The following SCFD1 variants were observed in gnomAD, a reference collection of about 807,000 sequenced individuals.
SCFD1 encodes the protein sec1 family domain-containing protein 1.
In SCFD1, 37 loss-of-function variants were observed where a neutral mutation model predicts 103.2. That is an observed-to-expected ratio of 0.36 (90% CI 0.28 to 0.47). The LOEUF is 0.47. SCFD1 is among the 20% of genes least tolerant of loss of function. SCFD1 has a pLI of 1.00. For synonymous variants in SCFD1, 264 were observed against 245.0 expected, an observed-to-expected ratio of 1.08 and a Z score of -0.73; for missense variants, 639 against 761.2, an observed-to-expected ratio of 0.84 and a Z score of 1.89.
chr14:30,683,700 A>G (rs1889684027), intron 14 of SCFD1: 1 of 177,014 alleles, frequency 5.6e-6, no homozygotes, highest in South Asian at 1.2e-4. Flanking sequence ...TTTCTGTCTC[A>G]CAAACCCTAT....
chr14:30,722,417 A>AT, intron 22 of SCFD1, 77 bp from the exon 23 acceptor site: 1 of 1,082,682 alleles, frequency 9.2e-7, no homozygotes, highest in Non-Finnish European at 1.4e-6. Context: ...TTTGGCTAGC[A>AT]TTTTTTAACC....
chr14:30,701,924 A>G (rs1891109129), intron 16 of SCFD1, among the ~76,000 whole-genome samples: 1 of 152,214 alleles, frequency 6.6e-6, no homozygotes, highest in South Asian at 2.1e-4. Flanking sequence ...AGTTGGTGTC[A>G]TTCCTCTTGT....
intron 9 of SCFD1, among the ~76,000 whole-genome samples, chr14:30,651,418 G>A (rs1310114488): frequency 6.7e-6 from 1 of 148,600 alleles, no homozygotes; most frequent in Non-Finnish European, 1.5e-5. Context: ...ATAATTGGGA[G>A]TTCACACTAA....
At chr14:30,673,606 G>A (rs549936873) in intron 12 of SCFD1, among the ~76,000 whole-genome samples, 57 of 152,146 alleles carry the variant, frequency 3.7e-4, no homozygotes, top group Non-Finnish European at 6.6e-4. Flanking sequence ...ACCATACTTC[G>A]ATGTAACTTC....
chr14:30,719,461 T>G, intron 21 of SCFD1, 84 bp downstream of exon 21: 1 of 915,394 alleles, frequency 1.1e-6, no homozygotes, highest in Non-Finnish European at 1.7e-6. Flanking sequence ...GTACTGCTTA[T>G]TAAAAATCCA....
Position 30,639,856 on chromosome 14 carries a change from C to T in SCFD1, c.515C>T (p.Ser172Leu). The part of the protein sequence containing the change: ...VLCNQNKELV[S>L]YRAINRPDIT... Reference sequence around the variant, plus strand: ...TGTAATCAAAATAAGGAGCTTGTTTCATATCGTGGTATGTAAAAATAGAAA... The same window carrying T: ...TGTAATCAAAATAAGGAGCTTGTTTTATATCGTGGTATGTAAAAATAGAAA... The change falls in exon 6 of 25, where the codon TCA (serine) becomes TTA (leucine). Residue 172 changes from serine to leucine, a missense_variant. Ser to Leu is a moderately radical substitution (Grantham distance 145). Transcript: ENST00000458591. 1 of 1,579,932 alleles carries T rather than the reference C, an allele frequency of 6.3e-7. No homozygotes were observed. The highest frequency in any genetic ancestry group is 1.8e-5 in the Admixed American group (1 of 54,428).
chr14:30,623,122 T>A (rs1357197172), intron 1 of SCFD1, among the ~76,000 whole-genome samples: 1 of 152,156 alleles, frequency 6.6e-6, no homozygotes, highest in East Asian at 1.9e-4. Flanking sequence ...CTTGAAAACT[T>A]CTCATGACAA....
chr14:30,679,228 A>AT (rs34426823), intron 14 of SCFD1, among the ~76,000 whole-genome samples: 8,762 of 143,284 alleles, frequency 0.061, 415 homozygotes, highest in East Asian at 0.3. Flanking sequence ...TCATGATTGG[A>AT]TTTTTTTTTT....
intron 6 of SCFD1, 142 bp from the exon 7 acceptor site, chr14:30,643,172 GAA>G: frequency 9.1e-6 from 5 of 551,970 alleles, no homozygotes; most frequent in East Asian, 3.4e-5. Flanking sequence ...GATCCTGTCT[GAA>G]AAAAAAAAAT....
chr14:30,652,203 A>T (rs1886458607), intron 9 of SCFD1: 4 of 152,230 alleles, frequency 2.6e-5, no homozygotes, highest in African/African-American at 7.2e-5. Context: ...ATGTAAACAG[A>T]TAGTGATGCC....
chr14:30,676,095 T>C (rs529408714), intron 14 of SCFD1: 1 of 152,354 alleles, frequency 6.6e-6, no homozygotes, highest in African/African-American at 2.4e-5. Context: ...TCTGTTTACC[T>C]GAGGTCATTG....
chr14:30,732,221 A>G (rs1893525831), intron 23 of SCFD1, among the ~76,000 whole-genome samples: 1 of 152,112 alleles, frequency 6.6e-6, no homozygotes, highest in Admixed American at 6.6e-5. Flanking sequence ...ATGGATTTTT[A>G]GAAGTTTCTA....
At chr14:30,730,882 T>A (rs1330570500) in intron 23 of SCFD1, among the ~76,000 whole-genome samples, 1 of 152,166 alleles carries the variant, frequency 6.6e-6, no homozygotes. Flanking sequence ...ATTTTGGCTT[T>A]TGTTGCCATT....
Position 30,707,975 on chromosome 14 carries a change from T to C in SCFD1, c.1554-15T>C. The C allele has an allele frequency of 6.3e-7, 1 of 1,593,224 alleles. No individual in the cohort carries two copies. The highest frequency in any genetic ancestry group is 1.1e-5 in the South Asian group (1 of 90,570). On this transcript the variant is annotated splice_polypyrimidine_tract_variant and intron_variant, in intron 18 of 24. Coordinates refer to ENST00000458591, the MANE Select transcript of SCFD1 (RefSeq NM_016106.4). ...TTTGTACTTAGAATGGTCCTTCTCTTTTGCCCCTACCTAGTCTTTTATCAC... is the reference window on the plus strand; with the variant it reads ...TTTGTACTTAGAATGGTCCTTCTCTCTTGCCCCTACCTAGTCTTTTATCAC...
intron 14 of SCFD1, among the ~76,000 whole-genome samples, chr14:30,691,888 TTA>T (rs1461251102): frequency 6.6e-6 from 1 of 152,092 alleles, no homozygotes; most frequent in African/African-American, 2.4e-5. Context: ...TTTTACTGAT[TTA>T]TATAGTTCCA....
At chr14:30,665,607 A>G (rs985501042) in intron 10 of SCFD1, among the ~76,000 whole-genome samples, 1 of 152,226 alleles carries the variant, frequency 6.6e-6, no homozygotes, top group Non-Finnish European at 1.5e-5. Context: ...CAAATTGGAT[A>G]AAGAGTCAAG....
chr14:30,705,847 T>C lies in SCFD1; in HGVS notation c.1515T>C (p.Ala505=), dbSNP rs776325846. 3.1e-6 allele frequency: 5 copies of C among 1,613,680 alleles called. No homozygotes were observed. In the Admixed American group the frequency reaches 6.7e-5, roughly 22 times the overall value. The change falls in exon 18 of 25, where the codon GCT becomes GCC. Residue 505 remains alanine, a synonymous_variant. Transcript: ENST00000458591. ...QWKAFTKMAS[A]PASYGSTTTK... ...GGGCTTTTACCAAGATGGCCTCAGC[T>C]CCGGCCAGCTATGGCAGCACTACCA...
At chr14:30,635,870 C>T (rs1257613739) in intron 4 of SCFD1, among the ~76,000 whole-genome samples, 2 of 152,128 alleles carry the variant, frequency 1.3e-5, no homozygotes, top group African/African-American at 4.8e-5. Flanking sequence ...TATATTCCCA[C>T]CAGTAGTGTG....
intron 4 of SCFD1, among the ~76,000 whole-genome samples, chr14:30,637,712 T>C (rs1884870642): frequency 6.6e-6 from 1 of 152,152 alleles, no homozygotes; most frequent in Non-Finnish European, 1.5e-5. Context: ...GAATTGGTAA[T>C]TGGATTTATA....
Sources: allele counts gnomAD v4.1 joint callset (sites outside exome capture counted in the v4.1 genomes callset), GRCh38; gene constraint gnomAD v4.1.1; transcripts MANE v1.5; gene names NCBI Gene and HGNC (gene_info 2026-07-23, HGNC 2026-07-21).